Variants in CSTPP1 observed in about 807,000 individuals in gnomAD.
CSTPP1 encodes the protein UPF0705 protein C11orf49.
At chr11:46,997,490 A>T in the CSTPP1 span, among the ~76,000 whole-genome samples, 1 of 152,148 alleles carries the variant, frequency 6.6e-6, no homozygotes, top group Non-Finnish European at 1.5e-5. Flanking sequence ...CTTCTTTGCG[A>T]TGGATTCGGA....
the CSTPP1 span, among the ~76,000 whole-genome samples, chr11:47,002,268 A>G: frequency 6.6e-6 from 1 of 152,184 alleles, no homozygotes; most frequent in African/African-American, 2.4e-5. Flanking sequence ...TTAGACCATC[A>G]TAGAACCAAA....
At chr11:47,003,696 T>C in the CSTPP1 span, among the ~76,000 whole-genome samples, 1 of 152,206 alleles carries the variant, frequency 6.6e-6, no homozygotes, top group South Asian at 2.1e-4. Context: ...CACAAATGTG[T>C]ACATTTCTTC....
chr11:47,063,573 A>C, the CSTPP1 span, among the ~76,000 whole-genome samples: 1 of 152,310 alleles, frequency 6.6e-6, no homozygotes, highest in African/African-American at 2.4e-5. Context: ...AAGTGTGTAC[A>C]ATATCTGTCC....
At chr11:46,938,300 G>A in the CSTPP1 span, among the ~76,000 whole-genome samples, 2 of 148,164 alleles carry the variant, frequency 1.3e-5, no homozygotes, top group South Asian at 2.1e-4. Context: ...TTGTTACAAT[G>A]GATAAACATA....
chr11:47,162,064 C>T, the CSTPP1 span: 14 of 989,056 alleles, frequency 1.4e-5, no homozygotes, highest in East Asian at 1.1e-4. Flanking sequence ...GTGACACCTG[C>T]GACGCAAGTA....
chr11:46,984,015 A>G, the CSTPP1 span, among the ~76,000 whole-genome samples: 1 of 152,194 alleles, frequency 6.6e-6, no homozygotes, highest in Non-Finnish European at 1.5e-5. Context: ...TTCTAACTTC[A>G]CACAAATGCT....
chr11:47,027,023 A>G, the CSTPP1 span, among the ~76,000 whole-genome samples: 6 of 152,120 alleles, frequency 3.9e-5, no homozygotes, highest in African/African-American at 1.4e-4. Flanking sequence ...TCATGTTTTT[A>G]TAATTTAAAT....
chr11:46,989,781 T>A, the CSTPP1 span, among the ~76,000 whole-genome samples: 9 of 152,190 alleles, frequency 5.9e-5, no homozygotes, highest in African/African-American at 2.2e-4. Context: ...AGGTAGTTTT[T>A]GACCCATTAC....
the CSTPP1 span, among the ~76,000 whole-genome samples, chr11:47,108,502 CT>C: frequency 2.0e-5 from 3 of 149,346 alleles, no homozygotes; most frequent in Non-Finnish European, 4.5e-5. Flanking sequence ...AAGGGACAGG[CT>C]TTTTTTTTTC....
chr11:47,151,400 C>CAA, the CSTPP1 span, among the ~76,000 whole-genome samples: 19 of 137,502 alleles, frequency 1.4e-4, no homozygotes, highest in East Asian at 1.2e-3. Context: ...GACTCCATCT[C>CAA]AAAAAAAAAA....
chr11:47,045,755 G>A, the CSTPP1 span, among the ~76,000 whole-genome samples: 5 of 151,920 alleles, frequency 3.3e-5, no homozygotes, highest in Admixed American at 6.6e-5. Flanking sequence ...ATTAATTATT[G>A]ATTTTTTTAA....
the CSTPP1 span, among the ~76,000 whole-genome samples, chr11:46,954,171 C>T: frequency 2.0e-5 from 3 of 152,080 alleles, no homozygotes; most frequent in Non-Finnish European, 4.4e-5. Flanking sequence ...AGAAAAAATA[C>T]AAAAGCATTA....
chr11:47,133,072 A>C, the CSTPP1 span, among the ~76,000 whole-genome samples: 5 of 152,216 alleles, frequency 3.3e-5, no homozygotes, highest in Non-Finnish European at 5.9e-5. Context: ...AGGCATGGAG[A>C]GCTTAAAAGT....
the CSTPP1 span, among the ~76,000 whole-genome samples, chr11:46,999,595 C>G: frequency 4.6e-5 from 7 of 152,174 alleles, no homozygotes; most frequent in Admixed American, 4.6e-4. Context: ...ATCACACAGC[C>G]TTAGCTGGTG....
the CSTPP1 span, among the ~76,000 whole-genome samples, chr11:47,054,524 G>A: frequency 6.6e-6 from 1 of 152,094 alleles, no homozygotes; most frequent in Admixed American, 6.6e-5. Context: ...TGTGGCCCAG[G>A]CTGGTCTCAA....
the CSTPP1 span, chr11:47,155,331 C>T: frequency 7.5e-7 from 1 of 1,336,228 alleles, no homozygotes; most frequent in South Asian, 1.2e-5. Flanking sequence ...GCTGCCCTGC[C>T]CATCTGTGTG....
At chr11:47,088,712 A>C in the CSTPP1 span, among the ~76,000 whole-genome samples, 1 of 151,910 alleles carries the variant, frequency 6.6e-6, no homozygotes, top group Non-Finnish European at 1.5e-5. Flanking sequence ...ACACTGGCTA[A>C]TTTTTGTATT....
the CSTPP1 span, among the ~76,000 whole-genome samples, chr11:47,051,000 C>T: frequency 6.6e-6 from 1 of 152,150 alleles, no homozygotes; most frequent in Non-Finnish European, 1.5e-5. Context: ...AAAACACACT[C>T]TATATTAAAG....
At chr11:46,994,814 T>G in the CSTPP1 span, among the ~76,000 whole-genome samples, 1 of 150,878 alleles carries the variant, frequency 6.6e-6, no homozygotes, top group Non-Finnish European at 1.5e-5. Context: ...GAGGATTCCC[T>G]CTTTTTCTAT....
Sources: allele counts gnomAD v4.1 joint callset (sites outside exome capture counted in the v4.1 genomes callset), GRCh38; gene constraint gnomAD v4.1.1; transcripts MANE v1.5; gene names NCBI Gene and HGNC (gene_info 2026-07-23, HGNC 2026-07-21).